Variants in RELN observed in about 807,000 individuals in gnomAD.
The protein encoded by RELN is reelin.
A neutral mutation model predicts 427.6 loss-of-function variants in RELN; 108 were observed. The ratio of observed to expected loss-of-function variants is 0.25; its 90% CI spans 0.22 to 0.30. The LOEUF (loss-of-function observed/expected upper bound fraction) is 0.30, where lower values mean the gene tolerates loss of function less well. RELN is among the 10% of genes least tolerant of loss of function. RELN has a pLI of 1.00. For synonymous variants in RELN, 1,524 were observed against 1,513.4 expected (o/e 1.01, Z -0.16); for missense variants, 3,715 against 4,302.8 (o/e 0.86, Z 3.82).
In RELN at chr7:103,540,507, T is replaced by C. The variant is rs757001361; in HGVS notation, c.6672-52A>G. On this transcript the variant is annotated intron_variant, in intron 43 of 64. Coordinates refer to ENST00000428762, the MANE Select transcript of RELN (RefSeq NM_005045.4). The stretch of plus-strand genomic sequence containing the variant: ...CTTTCACTTCCAAAAGAAATCCACA[T>C]GCTTAACAACAGACAAGCACATGGG... The C allele has an allele frequency of 3.8e-6, 6 of 1,588,922 alleles. No homozygotes were observed. In the Admixed American group the frequency reaches 8.3e-5, roughly 22 times the overall value.
intron 28 of RELN, among the ~76,000 whole-genome samples, chr7:103,582,766 C>T (rs967079067): frequency 6.6e-6 from 1 of 152,152 alleles, no homozygotes; most frequent in African/African-American, 2.4e-5. Flanking sequence ...CCTCCAAGAA[C>T]TTTATGAATA....
At position 103,551,176 on chromosome 7, in the gene RELN, C is replaced by T. The variant is rs201627577; in HGVS notation, c.6193G>A (p.Val2065Ile). Residue 2065 changes from valine to isoleucine, a missense_variant, in exon 41 of 65, where the codon GTC (valine) becomes ATC (isoleucine). Transcript: ENST00000428762. ...LPLCYHSSSH[V>I]SSLCSTEHHP... ...TGCTCGGTGGAGCATAAAGAGCTGA[C>T]GTGGCTGCTGCTGTGGTAGCAGAGG... The T allele has an allele frequency of 8.0e-5, 129 of 1,614,002 alleles. No individual in the cohort carries two copies. The highest frequency in any genetic ancestry group is 6.9e-4 in the East Asian group (31 of 44,864).
intron 2 of RELN, among the ~76,000 whole-genome samples, chr7:103,885,969 T>A (rs1794718561): frequency 6.6e-6 from 1 of 152,164 alleles, no homozygotes; most frequent in Non-Finnish European, 1.5e-5. Context: ...TGGTGATTAT[T>A]TTAATCACCA....
chr7:103,535,213 A>C, intron 46 of RELN, 103 bp downstream of exon 46: 1 of 1,120,000 alleles, frequency 8.9e-7, no homozygotes. Flanking sequence ...TTAGCAATTA[A>C]CAAAACCCTC....
At chr7:103,778,927 G>A (rs1791817189) in intron 3 of RELN, among the ~76,000 whole-genome samples, 1 of 152,162 alleles carries the variant, frequency 6.6e-6, no homozygotes, top group Non-Finnish European at 1.5e-5. Flanking sequence ...TTGCTATCGT[G>A]CTTCTCTGGA....
chr7:103,704,695 T>A (rs1003755618), intron 8 of RELN, among the ~76,000 whole-genome samples: 2 of 151,832 alleles, frequency 1.3e-5, no homozygotes, highest in African/African-American at 4.8e-5. Context: ...AAAAAAAAAC[T>A]TTCTCGATGT....
intron 46 of RELN, among the ~76,000 whole-genome samples, chr7:103,532,991 A>C (rs966613398): frequency 6.6e-6 from 1 of 152,250 alleles, no homozygotes; most frequent in Non-Finnish European, 1.5e-5. Context: ...GGCCTAGCAC[A>C]TAATTAAGCA....
At chr7:103,473,063 G>A (rs529649984) in intron 64 of RELN, 155 bp from the exon 65 acceptor site, 1 of 747,650 alleles carries the variant, frequency 1.3e-6, no homozygotes, top group Non-Finnish European at 2.5e-6. Flanking sequence ...TTACCACCCA[G>A]GGTCAGAGGA....
At chr7:103,779,636 G>A (rs1398876382) in intron 3 of RELN, among the ~76,000 whole-genome samples, 2 of 152,142 alleles carry the variant, frequency 1.3e-5, no homozygotes. Flanking sequence ...AAGCATTACA[G>A]CAATATTTCA....
intron 28 of RELN, among the ~76,000 whole-genome samples, chr7:103,582,785 C>G (rs1831183032): frequency 6.6e-6 from 1 of 152,142 alleles, no homozygotes; most frequent in African/African-American, 2.4e-5. Flanking sequence ...TAAGACACGT[C>G]TATAGATTGT....
At chr7:103,721,248 A>ATC (rs4006770) in intron 8 of RELN, among the ~76,000 whole-genome samples, 69 of 145,358 alleles carry the variant, frequency 4.7e-4, no homozygotes, top group Middle Eastern at 3.4e-3. Context: ...TCTCCTTGCC[A>ATC]TCTCTCTCTC....
chr7:103,625,233 AT>A (rs1440688081), intron 20 of RELN, among the ~76,000 whole-genome samples: 12 of 152,236 alleles, frequency 7.9e-5, no homozygotes, highest in African/African-American at 2.9e-4. Context: ...ATGATAACAT[AT>A]TCAGTGTTGC....
rs371778831 is a variant in RELN at position 103,522,211 on chromosome 7, G to T, written c.7491-12C>A. ...ACTGTTCATCACAGCTGGGTGCAGA[G>T]CAAGAGAGAGGAAAAGTCAACATCA... On this transcript the variant is annotated splice_polypyrimidine_tract_variant and intron_variant, in intron 47 of 64. Transcript: ENST00000428762. 7 of 1,613,390 alleles carry T rather than the reference G, an allele frequency of 4.3e-6. No individual in the cohort carries two copies. The Admixed American group carries it at 1.0e-4, about 23-fold the overall frequency.
In RELN at chr7:103,505,957, T is replaced by C. The variant is rs549173390; in HGVS notation, c.8275-2727A>G. Among the ~76,000 whole-genome samples, 12 of 152,246 alleles carry C rather than the reference T, an allele frequency of 7.9e-5. No homozygotes were observed. In the East Asian group the frequency reaches 1.7e-3, roughly 22 times the overall value. ...TTCGTGAAGCATACACAAGTATCAA[T>C]AGCCGAATCGATCAAGTGGAGGAAA... On this transcript the variant is annotated intron_variant, in intron 51 of 64. Transcript: ENST00000428762.
intron 3 of RELN, among the ~76,000 whole-genome samples, chr7:103,804,343 T>G (rs1455441053): frequency 2.6e-5 from 4 of 152,048 alleles, no homozygotes; most frequent in African/African-American, 9.7e-5. Context: ...TTGCTGGAAA[T>G]TTTTTCTATT....
intron 1 of RELN, among the ~76,000 whole-genome samples, chr7:103,918,977 A>T (rs910272540): frequency 2.0e-5 from 3 of 152,106 alleles, no homozygotes; most frequent in Non-Finnish European, 4.4e-5. Context: ...GTTTGAAATG[A>T]ATTGATTATA....
At chr7:103,660,769 T>A (rs1427841548) in intron 12 of RELN, among the ~76,000 whole-genome samples, 1 of 152,198 alleles carries the variant, frequency 6.6e-6, no homozygotes, top group East Asian at 1.9e-4. Flanking sequence ...CTGTGGCTCT[T>A]GTTGACTAAA....
rs538114751 is a variant in RELN at position 103,815,421 on chromosome 7, C to T, written c.473+18116G>A. 2.6e-5 allele frequency among the ~76,000 whole-genome samples: 4 copies of T among 152,292 alleles called. No homozygotes were observed. The East Asian group carries it at 7.7e-4, about 29-fold the overall frequency. ...ATGTAATCTTCCTCAGATTTAAAAT[C>T]ATAAGTGTGACTTGATGCATGAAAC... On this transcript the variant is annotated intron_variant, in intron 3 of 64. Transcript: ENST00000428762.
rs2117118194 is a variant in RELN at position 103,535,322 on chromosome 7, T to C, written c.7343A>G (p.Tyr2448Cys). 1 of 1,613,962 alleles carries C rather than the reference T, an allele frequency of 6.2e-7. No homozygotes were observed. The highest frequency in any genetic ancestry group is 8.5e-7 in the Non-Finnish European group (1 of 1,179,902). Residue 2448 changes from tyrosine (Y) to cysteine (C), a missense_variant, in exon 46 of 65, where the codon TAT (tyrosine) becomes TGT (cysteine). Tyr to Cys is a radical substitution (Grantham distance 194, BLOSUM62 -2). This residue lies in a region of RELN where 1,310 missense variants were observed against 1,643.0 expected (regional missense o/e 0.80). Transcript: ENST00000428762. ...WTRITLPLPP[Y>C]TRSQATRFRW... The stretch of plus-strand genomic sequence containing the variant: ...CATGTAGAAGCATTCTTACCTGGTA[T>C]AAGGAGGGAGAGGCAGAGTGATTCT...
Sources: gnomAD v4.1 joint callset for allele counts (sites outside exome capture counted in the v4.1 genomes callset) on GRCh38, gnomAD v4.1.1 for gene constraint, gnomAD v4.1.1 regional missense constraint, MANE v1.5 for transcripts, NCBI Gene and HGNC (gene_info 2026-07-23, HGNC 2026-07-21) for gene names.